CALCRL: variants seen among roughly 807,000 people sequenced by gnomAD.
CALCRL encodes the protein calcitonin receptor like receptor.
Under a neutral mutation model 60.4 loss-of-function variants are expected in CALCRL, and 27 were observed. The ratio of observed to expected loss-of-function variants is 0.45; its 90% confidence interval spans 0.33 to 0.62. The LOEUF is 0.62. Ranked by LOEUF, CALCRL falls within the 20% of genes least tolerant of loss-of-function variation. The probability of loss-of-function intolerance (pLI) is 0.03; values close to 1 mark genes in which losing one functional copy is unlikely to be tolerated. For missense variants in CALCRL, 424 were observed against 540.7 expected (o/e 0.78, Z 2.14); for synonymous variants, 190 against 182.6 (o/e 1.04, Z -0.33).
intron 8 of CALCRL, among the ~76,000 whole-genome samples, chr2:187,374,979 T>C (rs928098983): frequency 7.2e-5 from 11 of 152,094 alleles, no homozygotes; most frequent in African/African-American, 2.7e-4. Context: ...TACTATCCAT[T>C]AAAATTGAGT....
chr2:187,413,756 G>A (rs918629599), intron 1 of CALCRL, among the ~76,000 whole-genome samples: 1 of 152,098 alleles, frequency 6.6e-6, no homozygotes, highest in Non-Finnish European at 1.5e-5. Flanking sequence ...TACCAGAGAG[G>A]GAAATCCAGA....
intron 1 of CALCRL, chr2:187,436,575 T>C (rs898944539): frequency 2.6e-5 from 4 of 152,188 alleles, no homozygotes; most frequent in Non-Finnish European, 5.9e-5. Flanking sequence ...TCAGAAGTAA[T>C]AACCCTGAGA....
chr2:187,413,499 C>A (rs551629163), intron 1 of CALCRL, among the ~76,000 whole-genome samples: 1 of 151,924 alleles, frequency 6.6e-6, no homozygotes, highest in South Asian at 2.1e-4. Flanking sequence ...CAAGAGAATG[C>A]GATAAGACTA....
chr2:187,394,042 G>C (rs1263124517), intron 1 of CALCRL, among the ~76,000 whole-genome samples: 2 of 152,038 alleles, frequency 1.3e-5, no homozygotes, highest in African/African-American at 4.8e-5. Context: ...ATCCAGGTTA[G>C]TTGCAAATAA....
intron 12 of CALCRL, 132 bp downstream of exon 12, chr2:187,358,931 A>T: frequency 2.6e-6 from 2 of 769,678 alleles, no homozygotes; most frequent in Non-Finnish European, 4.6e-6. Flanking sequence ...ACTAAACGCT[A>T]TTCATTTAAG....
chr2:187,409,404 A>C (rs1408072140), intron 1 of CALCRL, among the ~76,000 whole-genome samples: 3 of 152,234 alleles, frequency 2.0e-5, no homozygotes, highest in Admixed American at 2.0e-4. Flanking sequence ...TAGGCAAAAG[A>C]AATTTGGTAC....
chr2:187,448,028 T>C lies in CALCRL; in HGVS notation c.-293+11A>G, dbSNP rs1263186802. 1 of 152,128 alleles carries C rather than the reference T, an allele frequency of 6.6e-6. No individual in the cohort carries two copies. Among genetic ancestry groups the C allele is most frequent in the Non-Finnish European group, 1.5e-5 (1 of 68,024 alleles). The allele number at this position is 152,128 out of a possible 1,614,324, so 9.4% of individuals were successfully genotyped here. On this transcript the variant is annotated intron_variant, in intron 1 of 14. Transcript: ENST00000392370. ...TTAGAATAAATATATTTATTTTGAA[T>C]GTGCACTTACCCAGTCCAGCTCTTA...
At chr2:187,389,231 C>A (rs1288650468) in intron 1 of CALCRL, among the ~76,000 whole-genome samples, 1 of 152,000 alleles carries the variant, frequency 6.6e-6, no homozygotes, top group African/African-American at 2.4e-5. Context: ...CACCACTGCG[C>A]CTGGCTAATT....
chr2:187,366,148 C>A (rs1687270348), intron 8 of CALCRL, among the ~76,000 whole-genome samples: 1 of 146,680 alleles, frequency 6.8e-6, no homozygotes, highest in Non-Finnish European at 1.5e-5. Flanking sequence ...GAGGCTGAGG[C>A]AGGAGAATGG....
At chr2:187,363,328 C>T in intron 9 of CALCRL, 48 bp downstream of exon 9, 1 of 1,562,768 alleles carries the variant, frequency 6.4e-7, no homozygotes, top group Middle Eastern at 1.7e-4. Flanking sequence ...CATGTTCCCC[C>T]TTTCCCATTA....
At chr2:187,346,433 A>C (rs777499186) in intron 14 of CALCRL, 34 bp from the exon 15 acceptor site, 1 of 1,466,812 alleles carries the variant, frequency 6.8e-7, no homozygotes, top group South Asian at 1.2e-5. Context: ...AAGAACAAGA[A>C]CAACCCATTA....
chr2:187,407,188 A>G (rs1212429798), intron 1 of CALCRL, among the ~76,000 whole-genome samples: 4 of 152,082 alleles, frequency 2.6e-5, no homozygotes, highest in African/African-American at 9.7e-5. Flanking sequence ...TCCCCAAGGT[A>G]TTGTCTGGTA....
intron 14 of CALCRL, among the ~76,000 whole-genome samples, chr2:187,349,863 T>C (rs575896307): frequency 6.6e-6 from 1 of 151,822 alleles, no homozygotes; most frequent in South Asian, 2.1e-4. Flanking sequence ...TTAATGTTCC[T>C]GTTGGCACAT....
chr2:187,423,648 T>C (rs539455784), intron 1 of CALCRL, among the ~76,000 whole-genome samples: 10 of 152,002 alleles, frequency 6.6e-5, no homozygotes, highest in Non-Finnish European at 1.5e-4. Flanking sequence ...GGGAAACCTA[T>C]GTATCCTGGA....
intron 9 of CALCRL, 150 bp from the exon 10 acceptor site, chr2:187,360,901 C>G: frequency 1.6e-6 from 1 of 608,980 alleles, no homozygotes; most frequent in Non-Finnish European, 2.6e-6. Context: ...TGCCAGTCTT[C>G]GTATTCATGT....
intron 1 of CALCRL, among the ~76,000 whole-genome samples, chr2:187,410,792 TG>T (rs1350318528): frequency 1.3e-5 from 2 of 152,078 alleles, no homozygotes; most frequent in Non-Finnish European, 2.9e-5. Flanking sequence ...CAGAGGTGCA[TG>T]TGGGCCTTGA....
At chr2:187,442,772 A>G (rs1690978566) in intron 1 of CALCRL, among the ~76,000 whole-genome samples, 1 of 151,918 alleles carries the variant, frequency 6.6e-6, no homozygotes, top group African/African-American at 2.4e-5. Flanking sequence ...CAAGTAGCAA[A>G]CAAATTTGTG....
chr2:187,368,010 G>A (rs903988291), intron 8 of CALCRL, among the ~76,000 whole-genome samples: 6 of 152,102 alleles, frequency 3.9e-5, no homozygotes, highest in East Asian at 1.9e-4. Flanking sequence ...AGTAAGTAGC[G>A]TCAAGTCACT....
chr2:187,361,753 G>T (rs1419717540), intron 9 of CALCRL, among the ~76,000 whole-genome samples: 1 of 151,834 alleles, frequency 6.6e-6, no homozygotes, highest in Non-Finnish European at 1.5e-5. Flanking sequence ...TAGTACCAGA[G>T]AAGTTAAATG....
Sources: allele counts gnomAD v4.1 joint callset (sites outside exome capture counted in the v4.1 genomes callset), GRCh38; gene constraint gnomAD v4.1.1; transcripts MANE v1.5; gene names NCBI Gene and HGNC (gene_info 2026-07-23, HGNC 2026-07-21).